The following RBFOX1 variants were observed in gnomAD, a reference collection of about 807,000 sequenced individuals.
RBFOX1 encodes RNA binding fox-1 homolog 1.
A neutral mutation model predicts 57.7 loss-of-function variants in RBFOX1; 8 were observed. That is an observed-to-expected ratio of 0.14 (90% CI 0.08 to 0.25). The LOEUF is 0.25. RBFOX1 is among the 10% of genes least tolerant of loss of function. The pLI, the probability that RBFOX1 is intolerant of heterozygous loss-of-function variation, is 1.00. For synonymous variants in RBFOX1, 326 were observed against 222.4 expected, an observed-to-expected ratio of 1.47 and a Z score of -4.15; for missense variants, 611 against 548.5, an observed-to-expected ratio of 1.11 and a Z score of -1.14.
intron 2 of RBFOX1, among the ~76,000 whole-genome samples, chr16:6,418,449 G>A (rs2093684206): frequency 6.6e-6 from 1 of 151,276 alleles, no homozygotes. Flanking sequence ...GGTGCATTAT[G>A]ATGTTATCTG....
intron 1 of RBFOX1, among the ~76,000 whole-genome samples, chr16:6,029,976 C>G (rs546497829): frequency 6.6e-6 from 1 of 152,144 alleles, no homozygotes; most frequent in Non-Finnish European, 1.5e-5. Context: ...TGCAGTGATG[C>G]AATCATGTCT....
At chr16:5,707,185 G>T (rs180783519) in intron 3 of RBFOX1, among the ~76,000 whole-genome samples, 1 of 152,240 alleles carries the variant, frequency 6.6e-6, no homozygotes, top group Non-Finnish European at 1.5e-5. Context: ...GAGCCCATGA[G>T]TAGGACTCAC....
intron 4 of RBFOX1, among the ~76,000 whole-genome samples, chr16:7,117,033 C>G (rs568569430): frequency 2.0e-5 from 3 of 152,082 alleles, no homozygotes; most frequent in African/African-American, 7.2e-5. Context: ...GAAGTGAAGA[C>G]AAGAGGGGAC....
intron 1 of RBFOX1, among the ~76,000 whole-genome samples, chr16:5,304,606 C>G (rs1465520485): frequency 6.6e-6 from 1 of 152,180 alleles, no homozygotes; most frequent in Non-Finnish European, 1.5e-5. Flanking sequence ...CCTTTTATTG[C>G]CAGATACTCT....
chr16:6,258,100 A>G (rs953074059), intron 1 of RBFOX1, among the ~76,000 whole-genome samples: 1 of 152,084 alleles, frequency 6.6e-6, no homozygotes, highest in African/African-American at 2.4e-5. Flanking sequence ...TAAAATTCCC[A>G]TGCCCTTATC....
intron 3 of RBFOX1, among the ~76,000 whole-genome samples, chr16:5,658,389 A>G (rs57410972): frequency 8.0e-4 from 122 of 152,272 alleles, no homozygotes; most frequent in African/African-American, 2.8e-3. Context: ...CTGAGCCTTG[A>G]GTGGCCACGT....
chr16:7,062,350 A>G (rs1167331222), intron 4 of RBFOX1, among the ~76,000 whole-genome samples: 1 of 150,556 alleles, frequency 6.6e-6, no homozygotes, highest in Non-Finnish European at 1.5e-5. Context: ...AAAAGAAAAA[A>G]GGAAAAATGG....
At chr16:5,856,187 C>CTCTATATATATATATATATA (rs1430331422) in intron 3 of RBFOX1, among the ~76,000 whole-genome samples, 1 of 31,064 alleles carries the variant, frequency 3.2e-5, no homozygotes, top group Non-Finnish European at 5.6e-5. Context: ...CTCTCTCTCT[C>CTCTATATATATATATATATA]TATATATATA....
At chr16:6,219,227 G>T (rs2097355881) in intron 1 of RBFOX1, among the ~76,000 whole-genome samples, 3 of 152,210 alleles carry the variant, frequency 2.0e-5, no homozygotes, top group East Asian at 1.9e-4. Flanking sequence ...CCAGCAGTTT[G>T]GGAGGCTGAG....
chr16:5,357,448 G>C (rs2065422114), intron 1 of RBFOX1, among the ~76,000 whole-genome samples: 1 of 152,238 alleles, frequency 6.6e-6, no homozygotes, highest in Non-Finnish European at 1.5e-5. Flanking sequence ...GCAGTCTACA[G>C]GGAGAGAGGA....
At chr16:6,460,827 C>CAAAAAAAAAAAAA (rs57208986) in intron 2 of RBFOX1, among the ~76,000 whole-genome samples, 1 of 141,332 alleles carries the variant, frequency 7.1e-6, no homozygotes, top group African/African-American at 2.6e-5. Context: ...TTCAGAATAC[C>CAAAAAAAAAAAAA]AAAAAAAAAA....
chr16:5,742,320 C>G (rs1258730205), intron 3 of RBFOX1, among the ~76,000 whole-genome samples: 1 of 150,642 alleles, frequency 6.6e-6, no homozygotes, highest in Non-Finnish European at 1.5e-5. Flanking sequence ...CCCTCCCTCC[C>G]TTCCTCCCTT....
intron 3 of RBFOX1, among the ~76,000 whole-genome samples, chr16:5,813,635 C>G (rs186000991): frequency 6.6e-6 from 1 of 152,126 alleles, no homozygotes; most frequent in Admixed American, 6.5e-5. Flanking sequence ...TTTAAGTGTT[C>G]TTTATATAAC....
intron 4 of RBFOX1, among the ~76,000 whole-genome samples, chr16:5,991,991 A>G (rs905613242): frequency 6.6e-6 from 1 of 152,230 alleles, no homozygotes; most frequent in Non-Finnish European, 1.5e-5. Flanking sequence ...AGAATCAGGT[A>G]GTGAGAAAAA....
intron 9 of RBFOX1, among the ~76,000 whole-genome samples, chr16:7,603,859 A>G (rs537844643): frequency 1.3e-5 from 2 of 152,314 alleles, no homozygotes; most frequent in East Asian, 1.9e-4. Context: ...TCTGAGTATC[A>G]GGATGACAAA....
At chr16:5,600,588 C>G (rs574847530), downstream of RBFOX1, among the ~76,000 whole-genome samples, 38 of 151,598 alleles carry the variant, frequency 2.5e-4, no homozygotes, top group African/African-American at 9.2e-4. Context: ...CCAAGCTATA[C>G]TGACCCTTCG....
intron 4 of RBFOX1, among the ~76,000 whole-genome samples, chr16:7,221,777 G>T (rs2092750398): frequency 6.6e-6 from 1 of 152,154 alleles, no homozygotes; most frequent in Non-Finnish European, 1.5e-5. Flanking sequence ...TATTCTACCA[G>T]AATGGTCTTA....
intron 1 of RBFOX1, among the ~76,000 whole-genome samples, chr16:5,243,870 A>T (rs990972462): frequency 6.6e-6 from 1 of 152,170 alleles, no homozygotes; most frequent in Non-Finnish European, 1.5e-5. Flanking sequence ...AAGACAGTAC[A>T]TGGAAAATGC....
At chr16:6,366,447 G>C (rs989131318) in intron 2 of RBFOX1, among the ~76,000 whole-genome samples, 2 of 152,102 alleles carry the variant, frequency 1.3e-5, no homozygotes, top group African/African-American at 4.8e-5. Context: ...GGAGAGATAT[G>C]AGACAATGTT....
Sources: gnomAD v4.1 joint callset for allele counts (sites outside exome capture counted in the v4.1 genomes callset) on GRCh38, gnomAD v4.1.1 for gene constraint, MANE v1.5 for transcripts, NCBI Gene and HGNC (gene_info 2026-07-23, HGNC 2026-07-21) for gene names.